Variants in SIL1 observed in about 807,000 individuals in gnomAD.
SIL1 encodes the protein SIL1 nucleotide exchange factor.
In SIL1, 40 loss-of-function variants were observed where a neutral mutation model predicts 49.1. The observed-to-expected ratio is 0.81, with a 90% confidence interval of 0.63 to 1.06. SIL1 has a LOEUF of 1.06. SIL1 is among the 50% of genes least tolerant of loss of function. The pLI is 0.00. For missense variants in SIL1, 500 were observed against 572.6 expected (o/e 0.87, Z 1.29); for synonymous variants, 253 against 250.8 (o/e 1.01, Z -0.08).
intron 1 of SIL1, chr5:139,131,611 T>C (rs1750865920): frequency 6.6e-6 from 1 of 152,178 alleles, no homozygotes; most frequent in East Asian, 1.9e-4. Context: ...CCCCCTCTTT[T>C]TTTGCCGACA....
chr5:139,000,191 T>C (rs551826199), intron 7 of SIL1, among the ~76,000 whole-genome samples: 1 of 152,362 alleles, frequency 6.6e-6, no homozygotes, highest in South Asian at 2.1e-4. Context: ...TTAAATTTCA[T>C]TGACTGTTTT....
In SIL1 at chr5:138,951,032, ACTGT is replaced by A. The variant is rs577989575; in HGVS notation, c.1029+135_1029+138del. The A allele has an allele frequency of 6.6e-4, 655 of 987,866 alleles. 12 individuals are homozygous for A. In the South Asian group the frequency reaches 7.7e-3, roughly 12 times the overall value. 61.2% of individuals were successfully genotyped at this position (987,866 alleles called of 1,614,324 possible). ...TCCCTGACGTCCCCAATCTCTTCCA[ACTGT>A]CTGTCTGTCCATCCATCCAGAAGCA... On this transcript the variant is annotated intron_variant, in intron 9 of 9. Coordinates refer to ENST00000394817, the MANE Select transcript of SIL1 (RefSeq NM_022464.5).
At position 139,042,602 on chromosome 5, in the gene SIL1, G is replaced by A. The variant is rs370748809; in HGVS notation, c.453+18C>T. The A allele has an allele frequency of 2.5e-6, 4 of 1,610,280 alleles. No individual in the cohort carries two copies. The highest frequency in any genetic ancestry group is 3.4e-6 in the Non-Finnish European group (4 of 1,176,610). On this transcript the variant is annotated intron_variant, in intron 5 of 9. Coordinates refer to ENST00000394817, the MANE Select transcript of SIL1 (RefSeq NM_022464.5). ...GCCATGCTGCAGGCTTATACTCACAGGAAAAATAATCACACACCTTGTCTT... is the reference window on the plus strand; with the variant it reads ...GCCATGCTGCAGGCTTATACTCACAAGAAAAATAATCACACACCTTGTCTT...
intron 5 of SIL1, among the ~76,000 whole-genome samples, chr5:139,042,279 G>A (rs1581053209): frequency 6.6e-6 from 1 of 152,174 alleles, no homozygotes; most frequent in South Asian, 2.1e-4. Flanking sequence ...AAGTGAGGCA[G>A]AGATCTGGGC....
intron 1 of SIL1, among the ~76,000 whole-genome samples, chr5:139,165,603 G>C (rs1751601932): frequency 6.6e-6 from 1 of 152,022 alleles, no homozygotes; most frequent in Non-Finnish European, 1.5e-5. Context: ...GCCCACCTTA[G>C]CCTCCCAAAT....
chr5:139,108,519 T>A (rs2151786439), intron 3 of SIL1, among the ~76,000 whole-genome samples: 1 of 152,316 alleles, frequency 6.6e-6, no homozygotes, highest in Middle Eastern at 3.4e-3. Flanking sequence ...ATGGTGTGTG[T>A]GTCAAGGGAC....
chr5:138,969,273 C>G (rs923503983), intron 7 of SIL1, among the ~76,000 whole-genome samples: 16 of 152,182 alleles, frequency 1.1e-4, no homozygotes, highest in Non-Finnish European at 2.4e-4. Context: ...GCACCGCCTG[C>G]CAGCCATGGC....
chr5:139,134,365 G>A (rs1198487744), intron 1 of SIL1, among the ~76,000 whole-genome samples: 5 of 152,042 alleles, frequency 3.3e-5, no homozygotes, highest in Admixed American at 3.3e-4. Flanking sequence ...CGAACTCCTG[G>A]GCTCAACTGA....
intron 7 of SIL1, among the ~76,000 whole-genome samples, chr5:138,960,547 T>TACC (rs1766997371): frequency 6.6e-6 from 1 of 150,708 alleles, no homozygotes; most frequent in South Asian, 2.1e-4. Context: ...TGCCTCAGCC[T>TACC]ACCACGTAGC....
chr5:139,029,031 T>C (rs1297595916), intron 5 of SIL1, among the ~76,000 whole-genome samples: 2 of 152,208 alleles, frequency 1.3e-5, no homozygotes, highest in Non-Finnish European at 2.9e-5. Flanking sequence ...ATCCTAGAAG[T>C]TTGGGAGGCC....
chr5:139,137,580 G>A lies in SIL1; in HGVS notation c.-10-9727C>T, dbSNP rs1040532396. 23 of 401,188 alleles carry A rather than the reference G, an allele frequency of 5.7e-5. No homozygotes were observed. The East Asian group carries it at 9.8e-4, about 17-fold the overall frequency. The allele number at this position is 401,188 out of a possible 1,614,324, so 24.9% of individuals were successfully genotyped here. A position where few individuals can be genotyped will look rare whatever the true frequency, so the allele number is the denominator to read the frequency against. ...GTTTTAGGGTACATGTGCACAATGT[G>A]CAGGTTTGTTACATATGTATGCATG... On this transcript the variant is annotated intron_variant, in intron 1 of 9. Coordinates refer to ENST00000394817, the MANE Select transcript of SIL1 (RefSeq NM_022464.5).
chr5:139,040,113 C>T (rs1769005815), intron 5 of SIL1, among the ~76,000 whole-genome samples: 1 of 152,216 alleles, frequency 6.6e-6, no homozygotes, highest in South Asian at 2.1e-4. Flanking sequence ...ACTAACAAGA[C>T]ACCACATAGG....
At chr5:139,135,619 C>G (rs769094890) in intron 1 of SIL1, among the ~76,000 whole-genome samples, 12 of 150,434 alleles carry the variant, frequency 8.0e-5, no homozygotes, top group African/African-American at 2.4e-4. Flanking sequence ...AGCCCTTTCT[C>G]TGTACTCCCA....
intron 1 of SIL1, among the ~76,000 whole-genome samples, chr5:139,180,496 C>T (rs929948972): frequency 6.6e-6 from 1 of 152,042 alleles, no homozygotes; most frequent in Non-Finnish European, 1.5e-5. Context: ...TGCTCCTCAC[C>T]CCTTTACCAC....
intron 4 of SIL1, among the ~76,000 whole-genome samples, chr5:139,047,768 C>G (rs181361582): frequency 1.3e-5 from 2 of 152,362 alleles, no homozygotes; most frequent in African/African-American, 4.8e-5. Context: ...ACTGAATGTT[C>G]ACACCACCTT....
At chr5:139,001,082 G>GT (rs1428267081) in intron 7 of SIL1, among the ~76,000 whole-genome samples, 5 of 141,884 alleles carry the variant, frequency 3.5e-5, no homozygotes, top group African/African-American at 7.4e-5. Context: ...CTGTGTGTGT[G>GT]GGGGGGGAAA....
chr5:138,950,941 G>A (rs563105569), intron 9 of SIL1, among the ~76,000 whole-genome samples: 10 of 152,330 alleles, frequency 6.6e-5, no homozygotes, highest in African/African-American at 2.4e-4. Context: ...ATGGCTGGCA[G>A]GGCCACCTCC....
At chr5:139,127,713 C>A in intron 2 of SIL1, 26 bp downstream of exon 2, 1 of 1,582,284 alleles carries the variant, frequency 6.3e-7, no homozygotes, top group Non-Finnish European at 8.6e-7. Flanking sequence ...TCAAGGGTCC[C>A]TCCCATTTAC....
chr5:139,146,525 T>A (rs549775365), intron 1 of SIL1, among the ~76,000 whole-genome samples: 22 of 152,306 alleles, frequency 1.4e-4, no homozygotes, highest in African/African-American at 5.1e-4. Flanking sequence ...ACCACTGTAC[T>A]CTAGCCTGGG....
Sources: gnomAD v4.1 joint callset for allele counts (sites outside exome capture counted in the v4.1 genomes callset) on GRCh38, gnomAD v4.1.1 for gene constraint, MANE v1.5 for transcripts, NCBI Gene and HGNC (gene_info 2026-07-23, HGNC 2026-07-21) for gene names.